PON3: variants seen among roughly 807,000 people sequenced by gnomAD.
PON3 encodes serum paraoxonase/lactonase 3.
In PON3, 37 loss-of-function variants were observed where a neutral mutation model predicts 36.3. The observed-to-expected ratio is 1.02, with a 90% CI of 0.78 to 1.34. The LOEUF (loss-of-function observed/expected upper bound fraction) is 1.34, where lower values mean the gene tolerates loss of function less well. Ranked by LOEUF, PON3 falls within the 40% of genes most tolerant of loss-of-function variation. The probability of loss-of-function intolerance (pLI) is 0.00; values close to 1 mark genes in which losing one functional copy is unlikely to be tolerated. For missense variants in PON3, 415 were observed against 426.5 expected (o/e 0.97, Z 0.24); for synonymous variants, 155 against 154.8 (o/e 1.00, Z -0.01).
intron 3 of PON3, among the ~76,000 whole-genome samples, chr7:95,381,972 T>C (rs185827003): frequency 3.9e-5 from 6 of 152,258 alleles, no homozygotes; most frequent in Admixed American, 2.6e-4. Flanking sequence ...ACTCAGCAAA[T>C]GTAAAAGAAC....
At chr7:95,394,543 C>CT in intron 2 of PON3, 101 bp downstream of exon 2, 2 of 1,032,912 alleles carry the variant, frequency 1.9e-6, no homozygotes, top group Non-Finnish European at 3.0e-6. Context: ...ACTGGGAGGG[C>CT]TTAAGTAGTG....
chr7:95,369,100 T>C (rs1325449755), intron 4 of PON3, among the ~76,000 whole-genome samples: 1 of 152,232 alleles, frequency 6.6e-6, no homozygotes, highest in African/African-American at 2.4e-5. Flanking sequence ...GAAGTCACAC[T>C]TCACTGCATT....
chr7:95,362,379 C>T lies in PON3; in HGVS notation c.889G>A (p.Asp297Asn). 1 of 1,613,730 alleles carries T rather than the reference C, an allele frequency of 6.2e-7. No homozygotes were observed. The highest frequency in any genetic ancestry group is 1.1e-5 in the South Asian group (1 of 91,076). The change falls in exon 8 of 9, where the codon GAC becomes AAC. Residue 297 changes from aspartate (D) to asparagine (N), a missense_variant. Transcript: ENST00000265627. The stretch of plus-strand genomic sequence containing the variant: ...GAACTTACTTCTGATCCTGGAGGGT[C>T]CTCAGGGTTATAGTTCAGTAGCTTC... ...PMKLLNYNPE[D>N]PPGSEVLRIQ...
chr7:95,362,602 T>C lies in PON3; in HGVS notation c.778-112A>G, dbSNP rs1456979669. On this transcript the variant is annotated intron_variant, in intron 7 of 8. Coordinates refer to ENST00000265627, the MANE Select transcript of PON3 (RefSeq NM_000940.3). ...TTCTGGCACCTAAAGTTGGTGTTTT[T>C]AGGGGGCTTTGCTTCTGTATTTTAG... The C allele has an allele frequency of 2.0e-6, 3 of 1,516,562 alleles. No individual in the cohort carries two copies. In the South Asian group the frequency reaches 3.4e-5, roughly 17 times the overall value. The allele number at this position is 1,516,562 out of a possible 1,614,324, so 93.9% of individuals were successfully genotyped here. A position where few individuals can be genotyped will look rare whatever the true frequency, so the allele number is the denominator to read the frequency against.
At chr7:95,367,204 C>T (rs756001702) in intron 5 of PON3, among the ~76,000 whole-genome samples, 158 bp downstream of exon 5, 8 of 152,074 alleles carry the variant, frequency 5.3e-5, no homozygotes, top group Non-Finnish European at 7.4e-5. Flanking sequence ...TCTAGTGAGG[C>T]GCTGGGAAGA....
chr7:95,363,898 AC>A lies in PON3; in HGVS notation c.659del (p.Cys220LeufsTer17), dbSNP rs750249041. 8 of 1,613,756 alleles carry A rather than the reference AC, an allele frequency of 5.0e-6. No homozygotes were observed. The highest frequency in any genetic ancestry group is 5.1e-6 in the Non-Finnish European group (6 of 1,179,660). On this transcript the variant is annotated frameshift_variant, in exon 6 of 9. Transcript: ENST00000265627. LOFTEE classifies it high-confidence loss of function. The part of the protein sequence containing the change: ...REVKVVAKGF[C>X]SANGITVSAD... ...CTGAGACTGTGATCCCATTGGCACT[AC>A]AAAATCCTTTGGCCACCACTTTAAC...
chr7:95,396,245 A>G, intron 1 of PON3, 32 bp downstream of exon 1: 1 of 1,608,562 alleles, frequency 6.2e-7, no homozygotes, highest in Non-Finnish European at 8.5e-7. Flanking sequence ...AGAGAAAGAG[A>G]GTCGAAGACG....
intron 3 of PON3, among the ~76,000 whole-genome samples, chr7:95,381,976 A>G (rs1243965674): frequency 1.3e-5 from 2 of 152,196 alleles, no homozygotes; most frequent in Non-Finnish European, 2.9e-5. Context: ...AGCAAATGTA[A>G]AAGAACAGAA....
intron 3 of PON3, among the ~76,000 whole-genome samples, chr7:95,389,867 G>A (rs1809280441): frequency 6.6e-6 from 1 of 152,184 alleles, no homozygotes; most frequent in Non-Finnish European, 1.5e-5. Context: ...GGACAGAACT[G>A]GAGACTAGCC....
chr7:95,395,842 T>G, intron 1 of PON3: 1 of 264,024 alleles, frequency 3.8e-6, no homozygotes, highest in Admixed American at 4.6e-5. Flanking sequence ...ACCCAGTACT[T>G]CTGCATGGTT....
chr7:95,389,108 A>G (rs1264069113), intron 3 of PON3, among the ~76,000 whole-genome samples: 1 of 152,156 alleles, frequency 6.6e-6, no homozygotes, highest in Admixed American at 6.6e-5. Context: ...ATCTAAACTG[A>G]CAATAGAAAA....
At chr7:95,382,496 T>C (rs916908116) in intron 3 of PON3, among the ~76,000 whole-genome samples, 2 of 151,802 alleles carry the variant, frequency 1.3e-5, no homozygotes, top group East Asian at 1.9e-4. Context: ...ATCAAATAGA[T>C]GCAATAAAAA....
intron 3 of PON3, 118 bp downstream of exon 3, chr7:95,390,036 T>C: frequency 9.0e-7 from 1 of 1,110,282 alleles, no homozygotes; most frequent in East Asian, 2.4e-5. Context: ...AGTTGACTGG[T>C]TTACCCGGAG....
At chr7:95,366,865 CT>C (rs1337267276) in intron 5 of PON3, among the ~76,000 whole-genome samples, 11 of 152,356 alleles carry the variant, frequency 7.2e-5, no homozygotes, top group Admixed American at 5.2e-4. Flanking sequence ...GGCATAGTGC[CT>C]GGCACATAGT....
At position 95,372,183 on chromosome 7, in the gene PON3, G is replaced by A; in HGVS notation, c.357C>T (p.Phe119=). 1 of 1,613,512 alleles carries A rather than the reference G, an allele frequency of 6.2e-7. No homozygotes were observed. Among genetic ancestry groups the A allele is most frequent in the Non-Finnish European group, 8.5e-7 (1 of 1,179,550 alleles). ...ACATACAGGTTTTACCTTTGTCGAT[G>A]AAAATACTGATCCCATGTGGATTAA... ...ELFNPHGISI[F]IDKDNTVYLY... Residue 119 remains phenylalanine (F), a synonymous_variant, in exon 4 of 9, where the codon TTC becomes TTT. Coordinates refer to ENST00000265627, the MANE Select transcript of PON3 (RefSeq NM_000940.3).
At chr7:95,376,794 T>C (rs1198906940) in intron 3 of PON3, among the ~76,000 whole-genome samples, 2 of 152,142 alleles carry the variant, frequency 1.3e-5, no homozygotes, top group African/African-American at 4.8e-5. Flanking sequence ...GATGGCGGAA[T>C]AGGAACAGCT....
intron 3 of PON3, among the ~76,000 whole-genome samples, chr7:95,379,145 A>C (rs1380893523): frequency 6.6e-6 from 1 of 152,182 alleles, no homozygotes; most frequent in Admixed American, 6.5e-5. Flanking sequence ...AACAAATATC[A>C]AAAGAGACAA....
chr7:95,361,486 T>G (rs2116372878), intron 8 of PON3, among the ~76,000 whole-genome samples: 1 of 152,306 alleles, frequency 6.6e-6, no homozygotes, highest in South Asian at 2.1e-4. Flanking sequence ...CTGCTCATCC[T>G]GCTGCATATA....
chr7:95,367,165 A>G (rs1445719972), intron 5 of PON3, among the ~76,000 whole-genome samples, 197 bp downstream of exon 5: 1 of 152,242 alleles, frequency 6.6e-6, no homozygotes, highest in East Asian at 1.9e-4. Context: ...TCGAAAATAT[A>G]GGCATATTCA....
Sources: gnomAD v4.1 joint callset for allele counts (sites outside exome capture counted in the v4.1 genomes callset) on GRCh38, gnomAD v4.1.1 for gene constraint, MANE v1.5 for transcripts, NCBI Gene and HGNC (gene_info 2026-07-23, HGNC 2026-07-21) for gene names.